The following ZNF248 variants were observed in gnomAD, a reference collection of about 807,000 sequenced individuals.
ZNF248 encodes the protein KRAB protein domain.
A neutral mutation model predicts 44.3 loss-of-function variants in ZNF248; 20 were observed. The observed-to-expected ratio is 0.45, with a 90% CI of 0.32 to 0.66. The LOEUF is 0.66. Among genes scored for constraint, ZNF248 ranks in the 30% least tolerant of loss-of-function variants. The pLI is 0.04. For missense variants in ZNF248, 654 were observed against 677.0 expected (o/e 0.97, Z 0.38); for synonymous variants, 224 against 229.0 (o/e 0.98, Z 0.20).
At chr10:37,762,646 T>A in the ZNF248 span, among the ~76,000 whole-genome samples, 1 of 152,194 alleles carries the variant, frequency 6.6e-6, no homozygotes, top group South Asian at 2.1e-4. Context: ...ATAAAAGTTT[T>A]TGGCCAACTC....
chr10:37,781,436 T>G (rs528521856), intron 6 of ZNF248, among the ~76,000 whole-genome samples: 7 of 152,336 alleles, frequency 4.6e-5, no homozygotes, highest in Admixed American at 4.6e-4. Context: ...TTTTAAGGTG[T>G]GCCATCCAGG....
the ZNF248 span, among the ~76,000 whole-genome samples, chr10:37,763,865 T>C: frequency 6.6e-6 from 1 of 152,220 alleles, no homozygotes; most frequent in Non-Finnish European, 1.5e-5. Flanking sequence ...ACTTCCCCAA[T>C]CAATATTCTT....
intron 6 of ZNF248, among the ~76,000 whole-genome samples, chr10:37,779,776 A>G (rs2132856863): frequency 6.7e-6 from 1 of 149,798 alleles, no homozygotes; most frequent in Non-Finnish European, 1.5e-5. Context: ...CCATTGTCTC[A>G]GCCCAAAATC....
At chr10:37,807,787 T>G (rs1451519604) in intron 6 of ZNF248, among the ~76,000 whole-genome samples, 2 of 152,202 alleles carry the variant, frequency 1.3e-5, no homozygotes, top group East Asian at 3.8e-4. Context: ...TCTAACCATT[T>G]TTAGTGGATG....
At chr10:37,841,070 G>C (rs2058255462) in intron 3 of ZNF248, among the ~76,000 whole-genome samples, 1 of 152,122 alleles carries the variant, frequency 6.6e-6, no homozygotes, top group Admixed American at 6.5e-5. Context: ...CAGCTTCTCT[G>C]TTTTCTAGCA....
intron 6 of ZNF248, among the ~76,000 whole-genome samples, chr10:37,780,729 G>A (rs924438195): frequency 1.1e-4 from 16 of 152,116 alleles, no homozygotes; most frequent in African/African-American, 3.6e-4. Context: ...CCAAACTTGC[G>A]ATCCCCGGCC....
the ZNF248 span, among the ~76,000 whole-genome samples, chr10:37,759,367 A>C: frequency 1.3e-5 from 2 of 152,236 alleles, no homozygotes. Context: ...TGCAGTTCAC[A>C]TATGAACAAG....
At chr10:37,821,002 T>G (rs2053375801) in intron 6 of ZNF248, 2 of 1,460,646 alleles carry the variant, frequency 1.4e-6, no homozygotes, top group East Asian at 4.5e-5. Context: ...GCAGAGCGTC[T>G]CCCGAGACTA....
chr10:37,851,530 T>C (rs1230166373), intron 3 of ZNF248, among the ~76,000 whole-genome samples: 1 of 152,052 alleles, frequency 6.6e-6, no homozygotes, highest in Non-Finnish European at 1.5e-5. Context: ...AAACACTCAT[T>C]CTCTGGGTGT....
At chr10:37,837,864 G>A (rs931329581) in intron 4 of ZNF248, 121 bp downstream of exon 4, 3 of 1,422,184 alleles carry the variant, frequency 2.1e-6, no homozygotes, top group Non-Finnish European at 2.9e-6. Flanking sequence ...CACCTTTATG[G>A]TGGCCAAATG....
chr10:37,775,200 TA>T (rs2046489254), downstream of ZNF248, among the ~76,000 whole-genome samples: 1 of 151,932 alleles, frequency 6.6e-6, no homozygotes, highest in Admixed American at 6.6e-5. Flanking sequence ...AAAACTATTA[TA>T]ATTATCTTGA....
chr10:37,767,540 G>A, the ZNF248 span, among the ~76,000 whole-genome samples: 3 of 152,038 alleles, frequency 2.0e-5, no homozygotes, highest in African/African-American at 4.8e-5. Flanking sequence ...CATAAGTGAA[G>A]GAGAAATAAA....
rs549885204 is a variant in ZNF248, at chr10:37,832,195, T to C, written c.1160A>G (p.Lys387Arg). 1 of 1,614,110 alleles carries C rather than the reference T, an allele frequency of 6.2e-7. No homozygotes were observed. Among genetic ancestry groups the C allele is most frequent in the Admixed American group, 1.7e-5 (1 of 60,016 alleles). The change falls in exon 6 of 6, where the codon AAA becomes AGA. Residue 387 changes from lysine to arginine, a missense_variant. Coordinates refer to ENST00000395867, the MANE Select transcript of ZNF248 (RefSeq NM_021045.3). ...GAGGTTTGACTTCTCCCAGAAGGTT[T>C]TCCCACATTCACCACATTCAAAGGT... Reference protein sequence around the residue: ...EKTFECGECGKTFWEKSNLTQ... With the variant: ...EKTFECGECGRTFWEKSNLTQ...
the ZNF248 span, among the ~76,000 whole-genome samples, chr10:37,762,353 A>G: frequency 6.6e-6 from 1 of 152,234 alleles, no homozygotes; most frequent in Non-Finnish European, 1.5e-5. Context: ...CATTAGTATC[A>G]TCATTTAGCA....
At chr10:37,835,508 CTACA>C (rs2056964480) in intron 5 of ZNF248, among the ~76,000 whole-genome samples, 1 of 152,198 alleles carries the variant, frequency 6.6e-6, no homozygotes, top group African/African-American at 2.4e-5. Flanking sequence ...CTACTCTCAC[CTACA>C]TACAATCACA....
In ZNF248 at chr10:37,840,914, T is replaced by C. The variant is rs577168959; in HGVS notation, c.16-2803A>G. Among the ~76,000 whole-genome samples, 6 of 152,214 alleles carry C rather than the reference T, an allele frequency of 3.9e-5. No homozygotes were observed. The South Asian group carries it at 8.3e-4, about 21-fold the overall frequency. On this transcript the variant is annotated intron_variant, in intron 3 of 5. Coordinates refer to ENST00000395867, the MANE Select transcript of ZNF248 (RefSeq NM_021045.3). ...AGAAAGTACTCAAATGAAAACACAA[T>C]AGTGGGCTATGTCAAAGGGACACAG...
intron 3 of ZNF248, among the ~76,000 whole-genome samples, chr10:37,847,110 A>C (rs1338563446): frequency 2.0e-5 from 3 of 152,086 alleles, no homozygotes; most frequent in Non-Finnish European, 4.4e-5. Flanking sequence ...ATCTCATCTC[A>C]CTGCAACCTC....
downstream of ZNF248, among the ~76,000 whole-genome samples, chr10:37,772,281 G>A (rs2046281539): frequency 6.6e-6 from 1 of 150,968 alleles, no homozygotes; most frequent in African/African-American, 2.5e-5. Context: ...AAAAAAAAAG[G>A]CTTTCTAGTC....
chr10:37,848,548 A>G (rs1589915057), intron 3 of ZNF248, among the ~76,000 whole-genome samples: 1 of 150,974 alleles, frequency 6.6e-6, no homozygotes, highest in African/African-American at 2.4e-5. Flanking sequence ...ACACCACTGC[A>G]CTCCAGCCTG....
Sources: gnomAD v4.1 joint callset for allele counts (sites outside exome capture counted in the v4.1 genomes callset) on GRCh38, gnomAD v4.1.1 for gene constraint, MANE v1.5 for transcripts, NCBI Gene and HGNC (gene_info 2026-07-23, HGNC 2026-07-21) for gene names.